The following DCAF6 variants were observed in gnomAD, a reference collection of about 807,000 sequenced individuals.
DCAF6 encodes DDB1- and CUL4-associated factor 6.
In DCAF6, 54 loss-of-function variants were observed where a neutral mutation model predicts 125.1. The observed-to-expected ratio is 0.43, with a 90% CI of 0.35 to 0.54. The LOEUF (loss-of-function observed/expected upper bound fraction) is 0.54, where lower values mean the gene tolerates loss of function less well. Among genes scored for constraint, DCAF6 ranks in the 20% least tolerant of loss-of-function variants. The probability of loss-of-function intolerance (pLI) is 0.01; values close to 1 mark genes in which losing one functional copy is unlikely to be tolerated. For missense variants in DCAF6, 934 were observed against 1,161.7 expected (o/e 0.80, Z 2.85); for synonymous variants, 371 against 390.4 (o/e 0.95, Z 0.58).
the DCAF6 span, among the ~76,000 whole-genome samples, chr1:167,901,277 T>A: frequency 2.0e-5 from 3 of 152,182 alleles, no homozygotes; most frequent in Admixed American, 2.0e-4. Flanking sequence ...CAGTCTCATG[T>A]CGTTGCTGAA....
At chr1:168,046,648 A>T (rs769995808) in intron 16 of DCAF6, among the ~76,000 whole-genome samples, 5 of 152,108 alleles carry the variant, frequency 3.3e-5, no homozygotes, top group Non-Finnish European at 7.4e-5. Flanking sequence ...ACTTAGTTCT[A>T]TTTCTTTCCA....
chr1:167,873,676 C>T, the DCAF6 span, among the ~76,000 whole-genome samples: 2 of 151,952 alleles, frequency 1.3e-5, no homozygotes, highest in Non-Finnish European at 2.9e-5. Flanking sequence ...GTCCCTATCA[C>T]CAGGAATCAC....
chr1:168,032,918 C>T (rs1687285947), intron 12 of DCAF6, among the ~76,000 whole-genome samples: 1 of 152,058 alleles, frequency 6.6e-6, no homozygotes, highest in South Asian at 2.1e-4. Flanking sequence ...CAGGGGTATC[C>T]CAGCTTAAAG....
At chr1:168,007,163 A>G (rs1683445332) in intron 10 of DCAF6, among the ~76,000 whole-genome samples, 1 of 152,180 alleles carries the variant, frequency 6.6e-6, no homozygotes, top group Admixed American at 6.5e-5. Context: ...GCTTTCCAAC[A>G]TCTGTACTCA....
the DCAF6 span, chr1:167,904,108 G>A: frequency 3.3e-5 from 19 of 568,178 alleles, no homozygotes; most frequent in African/African-American, 4.0e-4. Context: ...TTTTTTTTGA[G>A]ACAGAGTCTT....
chr1:167,912,050 G>GAT, the DCAF6 span, among the ~76,000 whole-genome samples: 1 of 152,188 alleles, frequency 6.6e-6, no homozygotes, highest in African/African-American at 2.4e-5. Context: ...TATTTTTGAA[G>GAT]ATATAGTTTT....
chr1:168,063,580 T>C, intron 17 of DCAF6, 41 bp from the exon 18 acceptor site: 1 of 1,391,384 alleles, frequency 7.2e-7, no homozygotes, highest in Non-Finnish European at 9.5e-7. Context: ...TTTGTGAATA[T>C]TTTTATTTAT....
chr1:167,926,843 T>TA, the DCAF6 span, among the ~76,000 whole-genome samples: 1 of 152,176 alleles, frequency 6.6e-6, no homozygotes, highest in Admixed American at 6.5e-5. Flanking sequence ...AGTCTTTACC[T>TA]AACTCCTATC....
chr1:167,901,941 C>G, the DCAF6 span: 1 of 1,607,636 alleles, frequency 6.2e-7, no homozygotes, highest in Non-Finnish European at 8.5e-7. Context: ...AGGATGCCTC[C>G]TTTGTCCCCA....
At chr1:167,962,121 G>C (rs983355183) in intron 2 of DCAF6, among the ~76,000 whole-genome samples, 38 of 152,220 alleles carry the variant, frequency 2.5e-4, no homozygotes, top group Admixed American at 2.4e-3. Flanking sequence ...AGTGTGGTCT[G>C]TCTTGGTAAA....
At chr1:168,031,397 T>C (rs953408013) in intron 12 of DCAF6, among the ~76,000 whole-genome samples, 5 of 152,120 alleles carry the variant, frequency 3.3e-5, no homozygotes, top group African/African-American at 4.8e-5. Flanking sequence ...GTCAAGTAAA[T>C]TGGCTCCAAA....
At chr1:167,883,406 G>T in the DCAF6 span, 2 of 1,607,460 alleles carry the variant, frequency 1.2e-6, no homozygotes, top group East Asian at 2.2e-5. Flanking sequence ...TAAAACTATT[G>T]GTAGGTTCCC....
the DCAF6 span, among the ~76,000 whole-genome samples, chr1:167,898,871 C>T: frequency 6.6e-6 from 1 of 152,114 alleles, no homozygotes; most frequent in African/African-American, 2.4e-5. Flanking sequence ...CCTCAAAGCA[C>T]AGCTTTTTTA....
intron 11 of DCAF6, 95 bp downstream of exon 11, chr1:168,016,046 A>G (rs1684928272): frequency 8.9e-7 from 1 of 1,117,500 alleles, no homozygotes; most frequent in African/African-American, 1.6e-5. Flanking sequence ...ATTCAAAAAG[A>G]GAGCTAATGC....
intron 10 of DCAF6, among the ~76,000 whole-genome samples, chr1:168,005,691 A>T (rs1381926885): frequency 6.6e-6 from 1 of 152,152 alleles, no homozygotes; most frequent in Non-Finnish European, 1.5e-5. Flanking sequence ...CTGTCACTTT[A>T]TTCTTACATC....
At chr1:167,937,752 T>G (rs541831648) in intron 1 of DCAF6, among the ~76,000 whole-genome samples, 21 of 152,316 alleles carry the variant, frequency 1.4e-4, no homozygotes, top group Non-Finnish European at 2.8e-4. Context: ...TAACATTTTT[T>G]TTTTGAGGAT....
chr1:167,960,774 G>A (rs1013454637), intron 2 of DCAF6, among the ~76,000 whole-genome samples: 1 of 152,152 alleles, frequency 6.6e-6, no homozygotes, highest in African/African-American at 2.4e-5. Context: ...TTCCATGTAA[G>A]CTTGAGAAGA....
In DCAF6 at chr1:168,038,462, A is replaced by G. The variant is rs1400648535; in HGVS notation, c.1701A>G (p.Thr567=). ...GCACAGAAGGAACAACTACAAGCACAATAAAACTGAACTTTACAGATGAAT... is the reference window on the plus strand; with the variant it reads ...GCACAGAAGGAACAACTACAAGCACGATAAAACTGAACTTTACAGATGAAT... The part of the protein sequence containing the change: ...HYSTEGTTTS[T]IKLNFTDEWS... The change falls in exon 13 of 22, where the codon ACA becomes ACG. Residue 567 remains threonine, a synonymous_variant. Coordinates refer to ENST00000367840, the MANE Select transcript of DCAF6 (RefSeq NM_001198956.2). 3 of 1,605,232 alleles carry G rather than the reference A, an allele frequency of 1.9e-6. No homozygotes were observed. The highest frequency in any genetic ancestry group is 1.3e-5 in the African/African-American group (1 of 74,624).
the DCAF6 span, among the ~76,000 whole-genome samples, chr1:167,899,181 C>T: frequency 6.6e-6 from 1 of 152,298 alleles, no homozygotes; most frequent in South Asian, 2.1e-4. Context: ...CCTCAATCCC[C>T]AAATTCCATA....
Sources: allele counts gnomAD v4.1 joint callset (sites outside exome capture counted in the v4.1 genomes callset), GRCh38; gene constraint gnomAD v4.1.1; transcripts MANE v1.5; gene names NCBI Gene and HGNC (gene_info 2026-07-23, HGNC 2026-07-21).